TMEM200A: variants seen among roughly 807,000 people sequenced by gnomAD.
The protein encoded by TMEM200A is two transmembrane C.
In TMEM200A, 12 loss-of-function variants were observed where a neutral mutation model predicts 24.3. The observed-to-expected ratio is 0.49, with a 90% CI of 0.32 to 0.80. The LOEUF is 0.80. Among genes scored for constraint, TMEM200A ranks in the 30% least tolerant of loss-of-function variants. The pLI is 0.04. For missense variants in TMEM200A, 545 were observed against 614.4 expected (o/e 0.89, Z 1.19); for synonymous variants, 224 against 224.4 (o/e 1.00, Z 0.02).
At chr6:130,405,538 G>A (rs1160090206) in intron 2 of TMEM200A, among the ~76,000 whole-genome samples, 2 of 152,214 alleles carry the variant, frequency 1.3e-5, no homozygotes, top group Non-Finnish European at 2.9e-5. Context: ...AGTTGACTTT[G>A]CATCATGGTA....
At chr6:130,433,212 C>T (rs892498736) in intron 2 of TMEM200A, among the ~76,000 whole-genome samples, 1 of 151,184 alleles carries the variant, frequency 6.6e-6, no homozygotes, top group Non-Finnish European at 1.5e-5. Flanking sequence ...TCTCGGCTCA[C>T]TGCTATCTCC....
intron 2 of TMEM200A, among the ~76,000 whole-genome samples, chr6:130,386,516 A>G (rs1281536460): frequency 1.3e-5 from 2 of 152,192 alleles, no homozygotes; most frequent in Non-Finnish European, 2.9e-5. Context: ...ACCTTTAGAG[A>G]GAACCTAGGG....
Position 130,392,988 on chromosome 6 carries a change from A to G in TMEM200A, c.-17+7752A>G, listed in dbSNP as rs543271513. Among the ~76,000 whole-genome samples, 7 of 152,372 alleles carry G rather than the reference A, an allele frequency of 4.6e-5. No homozygotes were observed. In the South Asian group the frequency reaches 1.4e-3, roughly 32 times the overall value. ...GTGTTTAATAACTATTTGTAGTTCA[A>G]TACAGCTAGGATTCCATAAGATTGA... is the stretch of plus-strand genomic sequence containing the variant. On this transcript the variant is annotated intron_variant, in intron 2 of 2. Coordinates refer to ENST00000296978, the MANE Select transcript of TMEM200A (RefSeq NM_001258277.2).
intron 2 of TMEM200A, among the ~76,000 whole-genome samples, chr6:130,405,268 T>C (rs914298643): frequency 1.3e-5 from 2 of 152,216 alleles, no homozygotes; most frequent in Non-Finnish European, 1.5e-5. Flanking sequence ...TTTAATGATA[T>C]TGATTCTTTC....
At chr6:130,428,018 G>GT (rs1779788589) in intron 2 of TMEM200A, among the ~76,000 whole-genome samples, 2 of 152,116 alleles carry the variant, frequency 1.3e-5, no homozygotes, top group African/African-American at 4.8e-5. Context: ...GTGGTAGGGT[G>GT]TATGTATGGT....
intron 2 of TMEM200A, among the ~76,000 whole-genome samples, chr6:130,404,012 T>G (rs1779149449): frequency 1.3e-5 from 2 of 152,200 alleles, no homozygotes; most frequent in African/African-American, 2.4e-5. Flanking sequence ...TCCTATTCTT[T>G]CTTATGACTG....
chr6:130,414,116 G>A (rs1779393587), intron 2 of TMEM200A, among the ~76,000 whole-genome samples: 1 of 152,056 alleles, frequency 6.6e-6, no homozygotes, highest in Admixed American at 6.6e-5. Context: ...TAATAAAAAT[G>A]AATGTAATTA....
chr6:130,412,202 T>C (rs1779347855), intron 2 of TMEM200A, among the ~76,000 whole-genome samples: 1 of 150,452 alleles, frequency 6.6e-6, no homozygotes, highest in Admixed American at 6.6e-5. Flanking sequence ...TTTTTTTTTT[T>C]TCTTTTTAGT....
intron 1 of TMEM200A, among the ~76,000 whole-genome samples, chr6:130,376,938 A>G (rs1778469476): frequency 1.3e-5 from 2 of 152,196 alleles, no homozygotes; most frequent in Admixed American, 6.5e-5. Flanking sequence ...TTCATGCATA[A>G]TTGAATATAA....
intron 2 of TMEM200A, among the ~76,000 whole-genome samples, chr6:130,398,444 T>G (rs543376868): frequency 2.1e-3 from 160 of 75,166 alleles, no homozygotes; most frequent in Admixed American, 3.4e-3. Context: ...TGCATGTGGG[T>G]TTTTTTTTTG....
intron 2 of TMEM200A, among the ~76,000 whole-genome samples, chr6:130,387,035 C>A (rs1315327403): frequency 1.3e-5 from 2 of 152,000 alleles, no homozygotes; most frequent in Non-Finnish European, 2.9e-5. Context: ...CAGAAGAGGG[C>A]CTTTAATTAT....
At position 130,366,675 on chromosome 6, in the gene TMEM200A, G is replaced by T. The variant is rs1471676069; in HGVS notation, c.-81+151G>T. 2 of 703,436 alleles carry T rather than the reference G, an allele frequency of 2.8e-6. No individual in the cohort carries two copies. The highest frequency in any genetic ancestry group is 2.7e-4 in the East Asian group (2 of 7,472). 43.6% of individuals were successfully genotyped at this position (703,436 alleles called of 1,614,324 possible). A position where few individuals can be genotyped will look rare whatever the true frequency, so the allele number is the denominator to read the frequency against. On this transcript the variant is annotated intron_variant, in intron 1 of 2. Transcript: ENST00000296978. The surrounding 1 kb of genome is among the most constrained non-coding windows in gnomAD (Gnocchi z 4.4). Reference sequence around the variant, plus strand: ...AAACGCTGTCTCTCCTAAAGTTTGGGAAATAAACCAAGTCCGCCATCAGGT... The same window carrying T: ...AAACGCTGTCTCTCCTAAAGTTTGGTAAATAAACCAAGTCCGCCATCAGGT...
chr6:130,369,396 G>C (rs1282883040), intron 1 of TMEM200A, among the ~76,000 whole-genome samples: 1 of 152,210 alleles, frequency 6.6e-6, no homozygotes, highest in Non-Finnish European at 1.5e-5. Flanking sequence ...ACAGGAGAGA[G>C]ACATAAGGTT....
chr6:130,431,321 C>G (rs1452682897), intron 2 of TMEM200A, among the ~76,000 whole-genome samples: 2 of 152,166 alleles, frequency 1.3e-5, no homozygotes, highest in African/African-American at 4.8e-5. Flanking sequence ...TGTTTTCCAG[C>G]AGTGGAGGGG....
chr6:130,402,892 TG>T (rs941832493), intron 2 of TMEM200A, among the ~76,000 whole-genome samples: 3 of 152,158 alleles, frequency 2.0e-5, no homozygotes, highest in African/African-American at 7.2e-5. Context: ...ATTGTAAAAA[TG>T]TAGCCTCTTT....
At chr6:130,398,443 GT>G (rs11362175) in intron 2 of TMEM200A, among the ~76,000 whole-genome samples, 46,631 of 149,226 alleles carry the variant, frequency 0.31, 9,504 homozygotes, top group African/African-American at 0.58. Flanking sequence ...GTGCATGTGG[GT>G]TTTTTTTTTG....
chr6:130,410,359 C>T (rs940340278), intron 2 of TMEM200A, among the ~76,000 whole-genome samples: 1 of 152,174 alleles, frequency 6.6e-6, no homozygotes, highest in Admixed American at 6.5e-5. Flanking sequence ...GATACAAGAG[C>T]TTTTAACATT....
chr6:130,428,199 A>C (rs1418231981), intron 2 of TMEM200A, among the ~76,000 whole-genome samples: 10 of 152,288 alleles, frequency 6.6e-5, no homozygotes, highest in African/African-American at 2.4e-4. Context: ...ATAATTCAGC[A>C]ATCTCAAAAA....
At chr6:130,418,263 C>T (rs546365126) in intron 2 of TMEM200A, among the ~76,000 whole-genome samples, 2 of 152,218 alleles carry the variant, frequency 1.3e-5, no homozygotes, top group South Asian at 4.2e-4. Context: ...TCTGAGTCAT[C>T]AAAAGAAAAT....
Sources: allele counts gnomAD v4.1 joint callset (sites outside exome capture counted in the v4.1 genomes callset), GRCh38; gene constraint gnomAD v4.1.1; non-coding constraint Gnocchi (gnomAD v3.1); transcripts MANE v1.5; gene names NCBI Gene and HGNC (gene_info 2026-07-23, HGNC 2026-07-21).